Variants in NDUFAF2 observed in about 807,000 individuals in gnomAD.
NDUFAF2 encodes the protein NADH dehydrogenase [ubiquinone] 1 alpha subcomplex assembly factor 2.
In NDUFAF2, 13 loss-of-function variants were observed where a neutral mutation model predicts 22.8. The ratio of observed to expected loss-of-function variants is 0.57; its 90% CI spans 0.37 to 0.91. The LOEUF is 0.91. Among genes scored for constraint, NDUFAF2 ranks in the 40% least tolerant of loss-of-function variants. The probability of loss-of-function intolerance (pLI) is 0.01; values close to 1 mark genes in which losing one functional copy is unlikely to be tolerated. For missense variants in NDUFAF2, 162 were observed against 195.2 expected, an observed-to-expected ratio of 0.83 and a Z score of 1.01; for synonymous variants, 53 against 64.2, an observed-to-expected ratio of 0.83 and a Z score of 0.84.
intron 1 of NDUFAF2, among the ~76,000 whole-genome samples, chr5:60,977,961 G>A (rs1168987183): frequency 1.3e-5 from 2 of 152,144 alleles, no homozygotes; most frequent in African/African-American, 4.8e-5. Flanking sequence ...AGAGATGAGT[G>A]ATCATAGTAC....
intron 3 of NDUFAF2, among the ~76,000 whole-genome samples, chr5:61,143,980 G>A (rs1014624885): frequency 2.7e-5 from 4 of 150,678 alleles, no homozygotes; most frequent in African/African-American, 4.9e-5. Flanking sequence ...GTGTGTGTGT[G>A]TGTGTGTGTG....
intron 1 of NDUFAF2, among the ~76,000 whole-genome samples, chr5:61,046,389 T>C (rs1751954437): frequency 6.6e-6 from 1 of 152,124 alleles, no homozygotes; most frequent in Non-Finnish European, 1.5e-5. Flanking sequence ...TCTTTAATTG[T>C]TTGGTAGAAT....
At chr5:60,984,360 T>G (rs1751037253) in intron 1 of NDUFAF2, among the ~76,000 whole-genome samples, 1 of 152,110 alleles carries the variant, frequency 6.6e-6, no homozygotes, top group Non-Finnish European at 1.5e-5. Context: ...CAATTTGACT[T>G]CCTCTTTTCC....
At chr5:60,953,370 CA>C (rs959244304) in intron 1 of NDUFAF2, among the ~76,000 whole-genome samples, 1 of 151,922 alleles carries the variant, frequency 6.6e-6, no homozygotes, top group Non-Finnish European at 1.5e-5. Flanking sequence ...TTGTACACAA[CA>C]AAAATACCTT....
At chr5:60,995,551 T>C (rs1751218185) in intron 1 of NDUFAF2, among the ~76,000 whole-genome samples, 1 of 152,224 alleles carries the variant, frequency 6.6e-6, no homozygotes, top group Admixed American at 6.5e-5. Flanking sequence ...CTCTCTGTTC[T>C]AAGCCATCTA....
At chr5:61,011,948 C>CT (rs1751447735) in intron 1 of NDUFAF2, among the ~76,000 whole-genome samples, 2 of 152,108 alleles carry the variant, frequency 1.3e-5, no homozygotes, top group African/African-American at 4.8e-5. Context: ...GCTTCTAGCT[C>CT]CATTAATCTA....
At chr5:61,148,833 ATT>A (rs1741185883) in intron 3 of NDUFAF2, among the ~76,000 whole-genome samples, 1 of 152,342 alleles carries the variant, frequency 6.6e-6, no homozygotes, top group South Asian at 2.1e-4. Context: ...ACAAGATTCA[ATT>A]TTTAAATCAA....
chr5:61,076,753 A>C (rs1561558310), intron 2 of NDUFAF2, among the ~76,000 whole-genome samples: 1 of 152,198 alleles, frequency 6.6e-6, no homozygotes, highest in Admixed American at 6.5e-5. Context: ...AAATAGACTT[A>C]GGGGAACATA....
At chr5:61,122,976 A>G (rs1038289281) in intron 3 of NDUFAF2, among the ~76,000 whole-genome samples, 12 of 152,184 alleles carry the variant, frequency 7.9e-5, no homozygotes, top group Admixed American at 3.3e-4. Context: ...GATACCTGGT[A>G]TCAAGGGGAT....
chr5:61,066,679 T>A (rs1752232386), intron 1 of NDUFAF2, among the ~76,000 whole-genome samples: 1 of 152,130 alleles, frequency 6.6e-6, no homozygotes, highest in African/African-American at 2.4e-5. Flanking sequence ...ATATAACCTA[T>A]CCACATACTT....
rs575120332 is a variant in NDUFAF2 at position 61,010,900 on chromosome 5, C to G, written c.128-62225C>G. Among the ~76,000 whole-genome samples, 3 of 152,196 alleles carry G rather than the reference C, an allele frequency of 2.0e-5. No individual in the cohort carries two copies. In the East Asian group the frequency reaches 5.8e-4, roughly 29 times the overall value. Reference sequence around the variant, plus strand: ...AGGGCATTTTCTTCTTTTCCCCTTCCCTTTTCTCCTGCTGGCTAGAATGTG... The same window carrying G: ...AGGGCATTTTCTTCTTTTCCCCTTCGCTTTTCTCCTGCTGGCTAGAATGTG... On this transcript the variant is annotated intron_variant, in intron 1 of 3. Transcript: ENST00000296597.
chr5:61,081,131 T>C (rs1220887294), intron 2 of NDUFAF2, among the ~76,000 whole-genome samples: 1 of 152,202 alleles, frequency 6.6e-6, no homozygotes, highest in African/African-American at 2.4e-5. Context: ...CAGACATCAA[T>C]TGACTATGGA....
At chr5:60,969,573 T>A (rs1750801401) in intron 1 of NDUFAF2, among the ~76,000 whole-genome samples, 1 of 152,076 alleles carries the variant, frequency 6.6e-6, no homozygotes, top group African/African-American at 2.4e-5. Context: ...GGTTTTTTTT[T>A]ACCATAGAGT....
At chr5:61,071,609 A>T (rs961538115) in intron 1 of NDUFAF2, among the ~76,000 whole-genome samples, 1 of 152,232 alleles carries the variant, frequency 6.6e-6, no homozygotes, top group African/African-American at 2.4e-5. Flanking sequence ...TATGTAAGTC[A>T]GTATATTTAG....
At chr5:60,981,051 T>C (rs1750970520) in intron 1 of NDUFAF2, among the ~76,000 whole-genome samples, 1 of 152,020 alleles carries the variant, frequency 6.6e-6, no homozygotes, top group South Asian at 2.1e-4. Flanking sequence ...TCCCAAAGCT[T>C]AGAGAAAGTT....
chr5:60,961,341 A>G (rs893505174), intron 1 of NDUFAF2, among the ~76,000 whole-genome samples: 4 of 152,000 alleles, frequency 2.6e-5, no homozygotes, highest in African/African-American at 9.7e-5. Flanking sequence ...CACGCCTGTA[A>G]TCCCAGCACT....
intron 1 of NDUFAF2, among the ~76,000 whole-genome samples, chr5:60,986,382 T>C (rs1285315038): frequency 6.6e-6 from 1 of 152,130 alleles, no homozygotes; most frequent in East Asian, 1.9e-4. Flanking sequence ...TAGTAAATAA[T>C]GAAATTAAGG....
intron 1 of NDUFAF2, among the ~76,000 whole-genome samples, chr5:60,954,830 G>T (rs193088044): frequency 1.3e-5 from 2 of 151,862 alleles, no homozygotes; most frequent in Admixed American, 6.6e-5. Context: ...TTCCTTGTTG[G>T]CTAGTGATAT....
intron 3 of NDUFAF2, among the ~76,000 whole-genome samples, chr5:61,105,926 G>A (rs1257310998): frequency 6.6e-6 from 1 of 151,344 alleles, no homozygotes; most frequent in East Asian, 1.9e-4. Context: ...ATCTGGCAAG[G>A]GAGAAATCTG....
Sources: allele counts gnomAD v4.1 joint callset (sites outside exome capture counted in the v4.1 genomes callset), GRCh38; gene constraint gnomAD v4.1.1; transcripts MANE v1.5; gene names NCBI Gene and HGNC (gene_info 2026-07-23, HGNC 2026-07-21).